COG5: variants seen among roughly 807,000 people sequenced by gnomAD.
COG5 encodes the protein conserved oligomeric Golgi complex subunit 5.
Under a neutral mutation model 110.4 loss-of-function variants are expected in COG5, and 86 were observed. That is an observed-to-expected ratio of 0.78 (90% CI 0.65 to 0.93). COG5 has a LOEUF of 0.93. COG5 is among the 40% of genes least tolerant of loss of function. The pLI is 0.00. For missense variants in COG5, 1,077 were observed against 987.0 expected, an observed-to-expected ratio of 1.09 and a Z score of -1.22; for synonymous variants, 360 against 334.6, an observed-to-expected ratio of 1.08 and a Z score of -0.83.
chr7:107,258,388 A>G lies in COG5; in HGVS notation c.1576-5T>C, dbSNP rs868612921. The G allele has an allele frequency of 7.8e-6, 12 of 1,541,450 alleles. No homozygotes were observed. The highest frequency in any genetic ancestry group is 1.7e-4 in the Middle Eastern group (1 of 5,922). On this transcript the variant is annotated splice_polypyrimidine_tract_variant and splice_region_variant and intron_variant, in intron 14 of 21. Transcript: ENST00000297135. ...TGCATCTCCTTGTGTGGAGAGCTGT[A>G]AGAATTCAATTTCAAAAGAATGTGT... is the stretch of plus-strand genomic sequence containing the variant.
At chr7:107,346,853 T>C (rs905514390) in intron 10 of COG5, among the ~76,000 whole-genome samples, 2 of 151,804 alleles carry the variant, frequency 1.3e-5, no homozygotes, top group Admixed American at 6.6e-5. Flanking sequence ...CCCTCCCCAC[T>C]CCCCCTACCC....
intron 5 of COG5, among the ~76,000 whole-genome samples, chr7:107,530,601 CA>C (rs953588412): frequency 0.094 from 4,510 of 47,740 alleles, 32 homozygotes; most frequent in East Asian, 0.15. Context: ...AACTCCATCT[CA>C]AAAAAAAAAA....
chr7:107,465,019 C>A (rs181102457), intron 6 of COG5, among the ~76,000 whole-genome samples: 17 of 152,274 alleles, frequency 1.1e-4, no homozygotes, highest in Admixed American at 5.2e-4. Context: ...TCTGTTAGGG[C>A]TTTGCATTCT....
intron 6 of COG5, among the ~76,000 whole-genome samples, chr7:107,525,452 T>G (rs1170573078): frequency 6.6e-6 from 1 of 152,206 alleles, no homozygotes. Flanking sequence ...ATATTAAATG[T>G]GATAGAGCAA....
chr7:107,551,441 T>C (rs1380430798), intron 3 of COG5, among the ~76,000 whole-genome samples: 1 of 152,178 alleles, frequency 6.6e-6, no homozygotes, highest in East Asian at 1.9e-4. Flanking sequence ...CCAAACTACT[T>C]ACATGCTAAA....
chr7:107,558,872 A>T (rs1206896823), intron 1 of COG5, among the ~76,000 whole-genome samples: 2 of 141,556 alleles, frequency 1.4e-5, no homozygotes, highest in African/African-American at 5.2e-5. Flanking sequence ...TGGGCGACAG[A>T]GCAAGACTCT....
chr7:107,518,613 T>C (rs1584925153), intron 6 of COG5, among the ~76,000 whole-genome samples: 1 of 152,166 alleles, frequency 6.6e-6, no homozygotes, highest in South Asian at 2.1e-4. Flanking sequence ...AAGCTAACTA[T>C]CCTAAATATA....
intron 14 of COG5, among the ~76,000 whole-genome samples, chr7:107,265,982 G>A (rs1803766949): frequency 6.6e-6 from 1 of 152,018 alleles, no homozygotes; most frequent in South Asian, 2.1e-4. Flanking sequence ...ACCCCAGGAG[G>A]TCAAGGCTGC....
At chr7:107,476,951 A>C (rs1017752903) in intron 6 of COG5, among the ~76,000 whole-genome samples, 1 of 151,690 alleles carries the variant, frequency 6.6e-6, no homozygotes, top group Non-Finnish European at 1.5e-5. Context: ...TTAAATAGTA[A>C]TTTACTTCTG....
chr7:107,458,038 A>G (rs1254704061), intron 6 of COG5, among the ~76,000 whole-genome samples: 1 of 152,224 alleles, frequency 6.6e-6, no homozygotes, highest in African/African-American at 2.4e-5. Flanking sequence ...AGGAACAAAG[A>G]TAAGAATGAT....
At chr7:107,561,691 ACTCG>A (rs1223623313) in intron 1 of COG5, among the ~76,000 whole-genome samples, 1 of 152,080 alleles carries the variant, frequency 6.6e-6, no homozygotes, top group African/African-American at 2.4e-5. Flanking sequence ...CGGAGCAGAG[ACTCG>A]GCCGGGCGTG....
At position 107,201,410 on chromosome 7, in the gene COG5, A is replaced by G; in HGVS notation, c.*2106T>C. 1 of 1,569,476 alleles carries G rather than the reference A, an allele frequency of 6.4e-7. No individual in the cohort carries two copies. On this transcript the variant is annotated 3_prime_UTR_variant, in exon 22 of 22. Coordinates refer to ENST00000297135, the MANE Select transcript of COG5 (RefSeq NM_006348.5). ...ATTCACTGAGTTTAATTTTATTTCC[A>G]CAGGGCTCACAACAACATTAAACCA...
intron 11 of COG5, among the ~76,000 whole-genome samples, chr7:107,313,617 C>T (rs969460876): frequency 6.6e-6 from 1 of 152,074 alleles, no homozygotes; most frequent in Non-Finnish European, 1.5e-5. Context: ...CTGTCTTTTC[C>T]ACTTGCCTGC....
At chr7:107,492,855 CTCTGGGGGACCATTAT>C (rs1798055102) in intron 6 of COG5, among the ~76,000 whole-genome samples, 1 of 152,094 alleles carries the variant, frequency 6.6e-6, no homozygotes. Flanking sequence ...AAACAGGACT[CTCTGGGGGACCATTAT>C]TCTGCCTATT....
chr7:107,291,138 GT>G (rs1383690029), intron 12 of COG5, among the ~76,000 whole-genome samples: 5 of 152,070 alleles, frequency 3.3e-5, no homozygotes, highest in African/African-American at 4.8e-5. Flanking sequence ...ATTTCTTCAA[GT>G]TTTTTTCTCC....
chr7:107,381,470 ATTAAGG>A (rs1815115226), intron 7 of COG5, among the ~76,000 whole-genome samples: 1 of 152,272 alleles, frequency 6.6e-6, no homozygotes, highest in Non-Finnish European at 1.5e-5. Flanking sequence ...ACTAATCATA[ATTAAGG>A]TTAAGTTATT....
intron 11 of COG5, among the ~76,000 whole-genome samples, chr7:107,317,144 C>T (rs1808831529): frequency 6.6e-6 from 1 of 152,060 alleles, no homozygotes; most frequent in African/African-American, 2.4e-5. Flanking sequence ...TAACATGCAA[C>T]ATAGGACGGT....
intron 6 of COG5, among the ~76,000 whole-genome samples, chr7:107,515,475 CGA>C (rs1799857029): frequency 6.6e-6 from 1 of 152,066 alleles, no homozygotes; most frequent in Admixed American, 6.6e-5. Context: ...TTCTAACATT[CGA>C]GAGACTAAAT....
At chr7:107,414,187 G>C (rs967862700) in intron 6 of COG5, among the ~76,000 whole-genome samples, 1 of 152,144 alleles carries the variant, frequency 6.6e-6, no homozygotes, top group Non-Finnish European at 1.5e-5. Flanking sequence ...ATATGTAAAT[G>C]TTTAAAAATA....
Sources: gnomAD v4.1 joint callset for allele counts (sites outside exome capture counted in the v4.1 genomes callset) on GRCh38, gnomAD v4.1.1 for gene constraint, MANE v1.5 for transcripts, NCBI Gene and HGNC (gene_info 2026-07-23, HGNC 2026-07-21) for gene names.